The following CHST11 variants were observed in gnomAD, a reference collection of about 807,000 sequenced individuals.
CHST11 encodes the protein carbohydrate sulfotransferase 11, also known as C4S-1.
CHST11 carries 9 observed loss-of-function variants against 30.4 expected under a neutral mutation model. The observed-to-expected ratio is 0.30, with a 90% CI of 0.18 to 0.52. The LOEUF (loss-of-function observed/expected upper bound fraction) is 0.52, where lower values mean the gene tolerates loss of function less well. CHST11 is among the 20% of genes least tolerant of loss of function. The pLI, the probability that CHST11 is intolerant of heterozygous loss-of-function variation, is 0.97. For missense variants in CHST11, 348 were observed against 460.6 expected (o/e 0.76, Z 2.24); for synonymous variants, 152 against 187.8 (o/e 0.81, Z 1.56).
intron 2 of CHST11, among the ~76,000 whole-genome samples, chr12:104,725,464 C>G (rs1158343018): frequency 6.6e-6 from 1 of 152,030 alleles, no homozygotes; most frequent in Admixed American, 6.6e-5. Context: ...ACACAGTTCT[C>G]AGGTTCCTTT....
intron 2 of CHST11, among the ~76,000 whole-genome samples, chr12:104,707,543 A>G (rs2040046751): frequency 6.6e-6 from 1 of 152,256 alleles, no homozygotes; most frequent in African/African-American, 2.4e-5. Context: ...TTCTCAGCCT[A>G]GATGACTTCA....
At chr12:104,687,670 G>A (rs145703205) in intron 2 of CHST11, among the ~76,000 whole-genome samples, 3 of 152,296 alleles carry the variant, frequency 2.0e-5, no homozygotes, top group Non-Finnish European at 4.4e-5. Flanking sequence ...GAGGTACTAC[G>A]AGTTGAAATG....
At position 104,597,878 on chromosome 12, in the gene CHST11, G is replaced by A. The variant is rs908243178; in HGVS notation, c.119-4028G>A. 2.0e-5 allele frequency among the ~76,000 whole-genome samples: 3 copies of A among 152,318 alleles called. No individual in the cohort carries two copies. In the Middle Eastern group the frequency reaches 0.01, roughly 518 times the overall value. On this transcript the variant is annotated intron_variant, in intron 1 of 2. Coordinates refer to ENST00000303694, the MANE Select transcript of CHST11 (RefSeq NM_018413.6). ...TTGACTTACCTGTCAGTGAAGAGGTGACCCAGTGTGGCAGCTGAGACCATG... is the reference window on the plus strand; with the variant it reads ...TTGACTTACCTGTCAGTGAAGAGGTAACCCAGTGTGGCAGCTGAGACCATG...
intron 1 of CHST11, among the ~76,000 whole-genome samples, chr12:104,544,107 G>A (rs2038312358): frequency 7.5e-6 from 1 of 133,824 alleles, no homozygotes; most frequent in Non-Finnish European, 1.5e-5. Flanking sequence ...CTGGGCAACA[G>A]AGAGAGACCC....
intron 2 of CHST11, among the ~76,000 whole-genome samples, chr12:104,626,575 A>AC (rs1415124926): frequency 2.0e-5 from 2 of 99,734 alleles, no homozygotes; most frequent in African/African-American, 9.7e-5. Context: ...CAGCCTCCCC[A>AC]CCCAAAAAAA....
Position 104,457,120 on chromosome 12 carries a change from G to T in CHST11, c.-292G>T. On this transcript the variant is annotated 5_prime_UTR_variant, in exon 1 of 3. Coordinates refer to ENST00000303694, the MANE Select transcript of CHST11 (RefSeq NM_018413.6). ...CCGCCCGGCCCGCGACCAGGCAGCGGCGGCCGCCGGCGGGATCGGAGGAGG... is the reference window on the plus strand; with the variant it reads ...CCGCCCGGCCCGCGACCAGGCAGCGTCGGCCGCCGGCGGGATCGGAGGAGG... The T allele has an allele frequency of 4.1e-6, 1 of 244,394 alleles. No individual in the cohort carries two copies. The highest frequency in any genetic ancestry group is 7.8e-6 in the Non-Finnish European group (1 of 128,044). The allele number at this position is 244,394 out of a possible 1,614,324, so 15.1% of individuals were successfully genotyped here. A position where few individuals can be genotyped will look rare whatever the true frequency, so the allele number is the denominator to read the frequency against.
At chr12:104,620,094 G>A (rs1045376228) in intron 2 of CHST11, among the ~76,000 whole-genome samples, 6 of 152,170 alleles carry the variant, frequency 3.9e-5, no homozygotes, top group Non-Finnish European at 8.8e-5. Context: ...ATGCTAAAGA[G>A]ACATTTGGAA....
chr12:104,749,803 C>T (rs1299455672), intron 2 of CHST11, among the ~76,000 whole-genome samples: 2 of 152,304 alleles, frequency 1.3e-5, no homozygotes, highest in Admixed American at 6.5e-5. Context: ...ATCTCTCCTG[C>T]CCCATTTTGA....
At chr12:104,650,398 G>A (rs1397708194) in intron 2 of CHST11, among the ~76,000 whole-genome samples, 1 of 152,208 alleles carries the variant, frequency 6.6e-6, no homozygotes, top group East Asian at 1.9e-4. Context: ...CTACCAGGTA[G>A]AGAATTATCT....
intron 1 of CHST11, among the ~76,000 whole-genome samples, chr12:104,505,867 A>C (rs2037899612): frequency 6.6e-6 from 1 of 152,202 alleles, no homozygotes; most frequent in South Asian, 2.1e-4. Flanking sequence ...ATAAAAAAAT[A>C]AGATGAGGTG....
At chr12:104,742,471 T>C (rs918749979) in intron 2 of CHST11, among the ~76,000 whole-genome samples, 1 of 152,144 alleles carries the variant, frequency 6.6e-6, no homozygotes, top group Admixed American at 6.5e-5. Flanking sequence ...CCCAAAGCAC[T>C]AGCCAGCAGG....
intron 2 of CHST11, among the ~76,000 whole-genome samples, chr12:104,680,907 C>T (rs988947451): frequency 6.6e-6 from 1 of 152,230 alleles, no homozygotes; most frequent in South Asian, 2.1e-4. Flanking sequence ...AGGTTTGAAT[C>T]TCAGTCTTGC....
At chr12:104,615,120 C>A (rs568181504) in intron 2 of CHST11, among the ~76,000 whole-genome samples, 2 of 152,196 alleles carry the variant, frequency 1.3e-5, no homozygotes, top group Non-Finnish European at 2.9e-5. Flanking sequence ...AGCCCTAGAA[C>A]GAAGCTGACC....
rs536543860 is a variant in CHST11 at position 104,479,607 on chromosome 12, T to G, written c.118+22078T>G. 2.0e-5 allele frequency among the ~76,000 whole-genome samples: 3 copies of G among 152,280 alleles called. No individual in the cohort carries two copies. The East Asian group carries it at 5.8e-4, about 29-fold the overall frequency. On this transcript the variant is annotated intron_variant, in intron 1 of 2. Coordinates refer to ENST00000303694, the MANE Select transcript of CHST11 (RefSeq NM_018413.6). ...CAGGCATCAGATCTTGTTTTTCTGA[T>G]GAATAACAACCAAGAGAGGCAAGAG...
Position 104,586,140 on chromosome 12 carries a change from C to T in CHST11, c.119-15766C>T, listed in dbSNP as rs116659233. Among the ~76,000 whole-genome samples the T allele has an allele frequency of 2.4e-3, 372 of 152,220 alleles. 1 individual carries two copies. Among genetic ancestry groups the T allele is most frequent in the African/African-American group, 8.7e-3 (360 of 41,524 alleles). On this transcript the variant is annotated intron_variant, in intron 1 of 2. Coordinates refer to ENST00000303694, the MANE Select transcript of CHST11 (RefSeq NM_018413.6). ...TACACTGCAATCCATGGTTGCAGGT[C>T]CCTAGTGGATATGAATTTTGGAGGG...
chr12:104,545,173 C>T (rs2136004874), intron 1 of CHST11, among the ~76,000 whole-genome samples: 1 of 103,108 alleles, frequency 9.7e-6, no homozygotes, highest in South Asian at 5.4e-4. Flanking sequence ...GCAAAAAAAT[C>T]AATCCATTCA....
intron 2 of CHST11, among the ~76,000 whole-genome samples, chr12:104,686,029 C>G (rs1170989717): frequency 1.3e-5 from 2 of 151,986 alleles, no homozygotes; most frequent in Non-Finnish European, 2.9e-5. Flanking sequence ...GAGTTTGAGA[C>G]CAGCCTAGGC....
intron 2 of CHST11, among the ~76,000 whole-genome samples, chr12:104,736,168 C>T (rs755025803): frequency 2.6e-5 from 4 of 152,158 alleles, no homozygotes; most frequent in African/African-American, 4.8e-5. Context: ...ATGCTTCTCG[C>T]CTCTGGTATA....
chr12:104,504,618 T>C (rs1592735285), intron 1 of CHST11, among the ~76,000 whole-genome samples: 1 of 152,160 alleles, frequency 6.6e-6, no homozygotes, highest in East Asian at 1.9e-4. Flanking sequence ...TAGTGATTCC[T>C]AAAAGCCTGT....
Sources: allele counts gnomAD v4.1 joint callset (sites outside exome capture counted in the v4.1 genomes callset), GRCh38; gene constraint gnomAD v4.1.1; transcripts MANE v1.5; gene names NCBI Gene and HGNC (gene_info 2026-07-23, HGNC 2026-07-21).